Variants in LRPPRC observed in about 807,000 individuals in gnomAD.
LRPPRC encodes leucine-rich PPR motif-containing protein, mitochondrial.
LRPPRC carries 120 observed loss-of-function variants against 180.3 expected under a neutral mutation model. The observed-to-expected ratio is 0.67, with a 90% CI of 0.57 to 0.77. The LOEUF (loss-of-function observed/expected upper bound fraction) is 0.77, where lower values mean the gene tolerates loss of function less well. LRPPRC is among the 30% of genes least tolerant of loss of function. The pLI, the probability that LRPPRC is intolerant of heterozygous loss-of-function variation, is 0.00. For synonymous variants in LRPPRC, 723 were observed against 600.0 expected (o/e 1.21, Z -3.00); for missense variants, 2,012 against 1,657.2 (o/e 1.21, Z -3.72).
chr2:43,994,573 A>G (rs1674935551), intron 1 of LRPPRC, among the ~76,000 whole-genome samples: 1 of 146,550 alleles, frequency 6.8e-6, no homozygotes, highest in South Asian at 2.1e-4. Flanking sequence ...ATTTGAGGAT[A>G]AAATGCAGAT....
At chr2:43,944,898 A>G (rs1281178501) in intron 22 of LRPPRC, among the ~76,000 whole-genome samples, 1 of 152,116 alleles carries the variant, frequency 6.6e-6, no homozygotes, top group East Asian at 1.9e-4. Context: ...TGTTAATGTT[A>G]TTAAAAAGTA....
intron 2 of LRPPRC, among the ~76,000 whole-genome samples, chr2:43,980,469 C>T (rs1674252271): frequency 6.7e-6 from 1 of 149,732 alleles, no homozygotes; most frequent in South Asian, 2.1e-4. Flanking sequence ...AGGAGAACTG[C>T]TTGAACCCAG....
rs939631902 is a variant in LRPPRC, at chr2:43,886,986, C to G, written c.*1614G>C. ...CCAACATGGTGAAACTCCGTCTTTA[C>G]CATACAAAAATTAGCTGAACATGGT... On this transcript the variant is annotated 3_prime_UTR_variant, in exon 38 of 38. Transcript: ENST00000260665. The G allele has an allele frequency of 6.6e-6, 1 of 151,628 alleles. No homozygotes were observed. Among genetic ancestry groups the G allele is most frequent in the African/African-American group, 2.4e-5 (1 of 41,244 alleles). The allele number at this position is 151,628 out of a possible 1,614,324, so 9.4% of individuals were successfully genotyped here. A position where few individuals can be genotyped will look rare whatever the true frequency, so the allele number is the denominator to read the frequency against.
intron 14 of LRPPRC, among the ~76,000 whole-genome samples, chr2:43,952,054 G>A (rs1266408489): frequency 6.6e-6 from 1 of 152,138 alleles, no homozygotes; most frequent in Non-Finnish European, 1.5e-5. Context: ...TTAGCCAGGC[G>A]TGGTGGCGCA....
rs1242086807 is a variant in LRPPRC at position 43,974,976 on chromosome 2, T to C, written c.864+115A>G. ...ATAATTCTCCATAAATACTACTTTC[T>C]GCAAGGAAACATCTTTGAAAACAGG... On this transcript the variant is annotated intron_variant, in intron 7 of 37. Coordinates refer to ENST00000260665, the MANE Select transcript of LRPPRC (RefSeq NM_133259.4). 8 of 1,148,412 alleles carry C rather than the reference T, an allele frequency of 7.0e-6. No individual in the cohort carries two copies. In the Admixed American group the frequency reaches 7.3e-5, roughly 11 times the overall value. 71.1% of individuals were successfully genotyped at this position (1,148,412 alleles called of 1,614,324 possible). A position where few individuals can be genotyped will look rare whatever the true frequency, so the allele number is the denominator to read the frequency against.
intron 11 of LRPPRC, among the ~76,000 whole-genome samples, chr2:43,965,670 A>G (rs188860857): frequency 6.6e-6 from 1 of 152,340 alleles, no homozygotes; most frequent in Non-Finnish European, 1.5e-5. Context: ...TCAATAGCAA[A>G]AAAACCCCAA....
chr2:43,920,409 T>G (rs113465313), intron 27 of LRPPRC, among the ~76,000 whole-genome samples: 5 of 152,282 alleles, frequency 3.3e-5, no homozygotes, highest in African/African-American at 9.6e-5. Context: ...GTGCTGGGAT[T>G]ATAGGTGTGA....
At chr2:43,980,383 G>C (rs375644774) in intron 2 of LRPPRC, among the ~76,000 whole-genome samples, 28 of 152,054 alleles carry the variant, frequency 1.8e-4, no homozygotes, top group African/African-American at 6.5e-4. Flanking sequence ...GAGAAACCCT[G>C]TCTCTACTAA....
chr2:43,977,297 G>C (rs776717337), intron 3 of LRPPRC, 21 bp from the exon 4 acceptor site: 5 of 1,584,616 alleles, frequency 3.2e-6, no homozygotes, highest in South Asian at 1.1e-5. Flanking sequence ...AATTTAAAAT[G>C]AATTTTTAGA....
chr2:43,913,577 T>C (rs923641823), intron 29 of LRPPRC, among the ~76,000 whole-genome samples: 1 of 152,200 alleles, frequency 6.6e-6, no homozygotes, highest in Non-Finnish European at 1.5e-5. Context: ...TAAGTGGCAC[T>C]GTCAAAGAAA....
At chr2:43,955,210 G>A (rs1408523690) in intron 14 of LRPPRC, among the ~76,000 whole-genome samples, 3 of 152,092 alleles carry the variant, frequency 2.0e-5, no homozygotes, top group African/African-American at 4.8e-5. Flanking sequence ...GCTCACACCT[G>A]CAATACCAGC....
At chr2:43,995,504 C>G (rs1156953726) in intron 1 of LRPPRC, among the ~76,000 whole-genome samples, 1 of 152,248 alleles carries the variant, frequency 6.6e-6, no homozygotes, top group Non-Finnish European at 1.5e-5. Flanking sequence ...CTTCAAAGCC[C>G]CCCTCATCTT....
chr2:43,974,039 A>G, intron 9 of LRPPRC, 111 bp downstream of exon 9: 1 of 1,252,714 alleles, frequency 8.0e-7, no homozygotes, highest in Non-Finnish European at 1.2e-6. Flanking sequence ...CAACACAAGA[A>G]CATTGTTATG....
rs565679349 is a variant in LRPPRC, at chr2:43,965,305, C to T, written c.1370-1599G>A. Among the ~76,000 whole-genome samples the T allele has an allele frequency of 2.4e-4, 37 of 152,228 alleles. 1 individual carries two copies. The highest frequency in any genetic ancestry group is 8.2e-4 in the African/African-American group (34 of 41,538). ...TGAACCCCTGACCTCGTGATCTGCCCGCCTCAGCCTCCCAAAGTGTTGGGA... is the reference window on the plus strand; with the variant it reads ...TGAACCCCTGACCTCGTGATCTGCCTGCCTCAGCCTCCCAAAGTGTTGGGA... On this transcript the variant is annotated intron_variant, in intron 11 of 37. Transcript: ENST00000260665.
In LRPPRC at chr2:43,956,478, C is replaced by CGTGTGTGTGTGTGTGTGTGTGT. The variant is rs56919652; in HGVS notation, c.1649+885_1649+906dup. Among the ~76,000 whole-genome samples the CGTGTGTGTGTGTGTGTGTGTGT allele has an allele frequency of 5.1e-3, 724 of 142,538 alleles. 16 individuals are homozygous for CGTGTGTGTGTGTGTGTGTGTGT. The highest frequency in any genetic ancestry group is 0.038 in the East Asian group (168 of 4,410). 93.5% of individuals were successfully genotyped at this position (142,538 alleles called of 152,430 possible). On this transcript the variant is annotated intron_variant, in intron 14 of 37. Coordinates refer to ENST00000260665, the MANE Select transcript of LRPPRC (RefSeq NM_133259.4). ...AGTGGTTCAGCCAAAAAGAAAAAAACGTGTGTGTGTGTGTGTGTGTGTGTG... is the reference window on the plus strand; with the variant it reads ...AGTGGTTCAGCCAAAAAGAAAAAAACGTGTGTGTGTGTGTGTGTGTGTGTGTGTGTGTGTGTGTGTGTGTGTG...
chr2:43,902,085 A>C (rs1670910425), intron 31 of LRPPRC: 1 of 156,468 alleles, frequency 6.4e-6, no homozygotes. Flanking sequence ...AAATTAAAAA[A>C]TAATGCCTAC....
chr2:43,988,546 A>C (rs899368396), intron 1 of LRPPRC, among the ~76,000 whole-genome samples: 5 of 152,218 alleles, frequency 3.3e-5, no homozygotes, highest in African/African-American at 9.6e-5. Flanking sequence ...AACAAGAAAG[A>C]AAAGAGACGC....
In LRPPRC at chr2:43,895,507, T is replaced by C. The variant is rs143562654; in HGVS notation, c.3901-878A>G. On this transcript the variant is annotated intron_variant, in intron 35 of 37. Transcript: ENST00000260665. ...ACTTGGCACAGTCCCACAGGTGGAC[T>C]GACAAGTGCTTTTCAGATTCCTTAT... 4.9e-4 allele frequency among the ~76,000 whole-genome samples: 74 copies of C among 152,356 alleles called. No homozygotes were observed. The East Asian group carries it at 0.01, about 21-fold the overall frequency.
At chr2:43,987,260 C>A (rs527496788) in intron 1 of LRPPRC, among the ~76,000 whole-genome samples, 4 of 152,104 alleles carry the variant, frequency 2.6e-5, no homozygotes, top group African/African-American at 9.6e-5. Flanking sequence ...TTAGGGGAGG[C>A]CGAGGCGGGC....
Sources: gnomAD v4.1 joint callset for allele counts (sites outside exome capture counted in the v4.1 genomes callset) on GRCh38, gnomAD v4.1.1 for gene constraint, MANE v1.5 for transcripts, NCBI Gene and HGNC (gene_info 2026-07-23, HGNC 2026-07-21) for gene names.